Variants in ABCD3 observed in about 807,000 individuals in gnomAD.
The protein encoded by ABCD3 is ATP-binding cassette sub-family D member 3.
A neutral mutation model predicts 105.5 loss-of-function variants in ABCD3; 41 were observed. The ratio of observed to expected loss-of-function variants is 0.39; its 90% CI spans 0.30 to 0.50. ABCD3 has a LOEUF of 0.50. ABCD3 is among the 20% of genes least tolerant of loss of function. The pLI is 0.84. For missense variants in ABCD3, 622 were observed against 806.3 expected, an observed-to-expected ratio of 0.77 and a Z score of 2.77; for synonymous variants, 258 against 269.0, an observed-to-expected ratio of 0.96 and a Z score of 0.40.
At position 94,517,513 on chromosome 1, in the gene ABCD3, G is replaced by A. The variant is rs1283451763; in HGVS notation, c.*384G>A. On this transcript the variant is annotated 3_prime_UTR_variant, in exon 23 of 23. Transcript: ENST00000370214. ...CAGTGAAGAACCCTATTTAAAACTG[G>A]GTCATCATTTGTCCTGTTCTAGCAA... 1 of 240,636 alleles carries A rather than the reference G, an allele frequency of 4.2e-6. No homozygotes were observed. The highest frequency in any genetic ancestry group is 5.2e-5 in the Admixed American group (1 of 19,140). The allele number at this position is 240,636 out of a possible 1,614,324, so 14.9% of individuals were successfully genotyped here. A position where few individuals can be genotyped will look rare whatever the true frequency, so the allele number is the denominator to read the frequency against.
At chr1:94,394,701 T>C in the ABCD3 span, among the ~76,000 whole-genome samples, 2 of 152,162 alleles carry the variant, frequency 1.3e-5, no homozygotes, top group Admixed American at 6.5e-5. Context: ...TGCTGGAATG[T>C]CTCCACCACG....
chr1:94,470,577 T>G (rs549768200), intron 4 of ABCD3, among the ~76,000 whole-genome samples: 3 of 152,284 alleles, frequency 2.0e-5, no homozygotes, highest in South Asian at 2.1e-4. Flanking sequence ...TGAATTTTTT[T>G]TTTTTGTTCA....
At chr1:94,400,823 A>G in the ABCD3 span, among the ~76,000 whole-genome samples, 1 of 152,226 alleles carries the variant, frequency 6.6e-6, no homozygotes, top group Non-Finnish European at 1.5e-5. Flanking sequence ...TGTCCCTTCC[A>G]AAACTCATGT....
intron 20 of ABCD3, among the ~76,000 whole-genome samples, chr1:94,504,257 A>G (rs1268011396): frequency 4.6e-5 from 7 of 152,020 alleles, no homozygotes; most frequent in Non-Finnish European, 7.4e-5. Flanking sequence ...AGCTGGGACT[A>G]CAGGTATGCA....
At chr1:94,473,685 AT>A in intron 4 of ABCD3, 80 bp from the exon 5 acceptor site, 1 of 1,119,416 alleles carries the variant, frequency 8.9e-7, no homozygotes, top group Non-Finnish European at 1.4e-6. Context: ...TCCAAGAGTA[AT>A]TTTAGAGCTT....
chr1:94,459,898 A>C (rs1164653627), intron 2 of ABCD3, among the ~76,000 whole-genome samples: 1 of 152,218 alleles, frequency 6.6e-6, no homozygotes, highest in African/African-American at 2.4e-5. Context: ...TTCACTTAGC[A>C]CAATGTTTTC....
At chr1:94,479,497 G>T (rs1648932032) in intron 8 of ABCD3, among the ~76,000 whole-genome samples, 1 of 151,816 alleles carries the variant, frequency 6.6e-6, no homozygotes, top group Non-Finnish European at 1.5e-5. Flanking sequence ...GGAATAAAAA[G>T]ATAAGTAAGA....
At chr1:94,495,437 A>C (rs1423230800) in intron 16 of ABCD3, among the ~76,000 whole-genome samples, 2 of 152,170 alleles carry the variant, frequency 1.3e-5, no homozygotes, top group Non-Finnish European at 2.9e-5. Context: ...AAAAATATGT[A>C]CTTAATAAAT....
intron 21 of ABCD3, chr1:94,514,007 C>T (rs1187345442): frequency 4.6e-5 from 7 of 151,670 alleles, no homozygotes; most frequent in East Asian, 1.9e-4. Context: ...AGATACAAAC[C>T]GAGGAACTTG....
At chr1:94,483,381 T>G in intron 10 of ABCD3, 142 bp downstream of exon 10, 2 of 666,568 alleles carry the variant, frequency 3.0e-6, no homozygotes, top group Non-Finnish European at 5.4e-6. Flanking sequence ...GAAAAATAGC[T>G]ATAAAGGATT....
intron 1 of ABCD3, among the ~76,000 whole-genome samples, chr1:94,423,457 T>G (rs1659342712): frequency 1.3e-5 from 2 of 151,544 alleles, no homozygotes; most frequent in South Asian, 4.1e-4. Context: ...AGCTTGTGTT[T>G]CTTTTAGTGA....
In ABCD3 at chr1:94,499,411, T is replaced by G. The variant is rs190738340; in HGVS notation, c.1621-84T>G. On this transcript the variant is annotated intron_variant, in intron 19 of 22. Transcript: ENST00000370214. Reference sequence around the variant, plus strand: ...AGTGGTACAGACAATAGAATTATAGTGATTCCAGTTTAAAAAATAAACCAC... The same window carrying G: ...AGTGGTACAGACAATAGAATTATAGGGATTCCAGTTTAAAAAATAAACCAC... 4.9e-4 allele frequency: 668 copies of G among 1,370,908 alleles called. 2 individuals carry two copies. In the African/African-American group the frequency reaches 8.9e-3, roughly 18 times the overall value. 84.9% of individuals were successfully genotyped at this position (1,370,908 alleles called of 1,614,324 possible). A position where few individuals can be genotyped will look rare whatever the true frequency, so the allele number is the denominator to read the frequency against.
rs1003494720 is a variant in ABCD3 at position 94,473,649 on chromosome 1, T to A, written c.336-117T>A. The A allele has an allele frequency of 4.1e-5, 34 of 831,306 alleles. No homozygotes were observed. The Admixed American group carries it at 7.5e-4, about 18-fold the overall frequency. The allele number at this position is 831,306 out of a possible 1,614,324, so 51.5% of individuals were successfully genotyped here. A position where few individuals can be genotyped will look rare whatever the true frequency, so the allele number is the denominator to read the frequency against. On this transcript the variant is annotated intron_variant, in intron 4 of 22. Coordinates refer to ENST00000370214, the MANE Select transcript of ABCD3 (RefSeq NM_002858.4). ...AAAGTGGTTTTTAGCATCTTTTTTA[T>A]TGATTGTTTTGATTTAATAGAAGTT...
chr1:94,390,778 A>T, the ABCD3 span, among the ~76,000 whole-genome samples: 1 of 152,164 alleles, frequency 6.6e-6, no homozygotes, highest in African/African-American at 2.4e-5. Context: ...CCAGTTAGTA[A>T]CTATCCATAT....
chr1:94,483,544 A>G (rs1480950648), intron 10 of ABCD3, among the ~76,000 whole-genome samples: 2 of 152,214 alleles, frequency 1.3e-5, no homozygotes, highest in African/African-American at 4.8e-5. Flanking sequence ...AAATGAGGAA[A>G]GGATTCCCTG....
At chr1:94,431,572 G>A (rs902467473) in intron 1 of ABCD3, among the ~76,000 whole-genome samples, 1 of 152,090 alleles carries the variant, frequency 6.6e-6, no homozygotes, top group Non-Finnish European at 1.5e-5. Context: ...ATGGTTTGTT[G>A]TTGCTTTTTG....
chr1:94,473,932 G>T, intron 5 of ABCD3, 97 bp downstream of exon 5: 1 of 892,846 alleles, frequency 1.1e-6, no homozygotes, highest in Non-Finnish European at 1.8e-6. Flanking sequence ...AAAGACTTAT[G>T]ATACTAAGTT....
At chr1:94,390,789 C>T in the ABCD3 span, among the ~76,000 whole-genome samples, 1 of 152,162 alleles carries the variant, frequency 6.6e-6, no homozygotes, top group South Asian at 2.1e-4. Context: ...CTATCCATAT[C>T]CCGACAGCAC....
At chr1:94,464,734 T>A (rs770731002) in intron 2 of ABCD3, 41 bp from the exon 3 acceptor site, 1 of 1,493,584 alleles carries the variant, frequency 6.7e-7, no homozygotes, top group Non-Finnish European at 9.3e-7. Context: ...ATGATATGTT[T>A]GTTATAGCTA....
Sources: allele counts gnomAD v4.1 joint callset (sites outside exome capture counted in the v4.1 genomes callset), GRCh38; gene constraint gnomAD v4.1.1; transcripts MANE v1.5; gene names NCBI Gene and HGNC (gene_info 2026-07-23, HGNC 2026-07-21).